The following IL1RAPL1 variants were observed in gnomAD, a reference collection of about 807,000 sequenced individuals.
IL1RAPL1 encodes the protein interleukin-1 receptor accessory protein-like 1.
In IL1RAPL1, 3 loss-of-function variants were observed where a neutral mutation model predicts 48.4. The observed-to-expected ratio is 0.06, with a 90% CI of 0.03 to 0.16. The LOEUF (loss-of-function observed/expected upper bound fraction) is 0.16, where lower values mean the gene tolerates loss of function less well. Among genes scored for constraint, IL1RAPL1 ranks in the 10% least tolerant of loss-of-function variants. The probability of loss-of-function intolerance (pLI) is 1.00; values close to 1 mark genes in which losing one functional copy is unlikely to be tolerated. For synonymous variants in IL1RAPL1, 185 were observed against 187.7 expected, an observed-to-expected ratio of 0.99 and a Z score of 0.12; for missense variants, 349 against 530.6, an observed-to-expected ratio of 0.66 and a Z score of 3.36.
At chrX:29,013,793 G>A (rs772868917) in intron 2 of IL1RAPL1, among the ~76,000 whole-genome samples, 36 of 110,522 alleles carry the variant, frequency 3.3e-4, no homozygotes, top group Admixed American at 6.8e-4. Context: ...GGGATGATCT[G>A]TGCAGCAAAC....
chrX:28,588,240 G>A (rs867255846), intron 1 of IL1RAPL1, among the ~76,000 whole-genome samples, 193 bp downstream of exon 1: 3 of 104,232 alleles, frequency 2.9e-5, no homozygotes, highest in Non-Finnish European at 4.0e-5. Context: ...GTGTGTGTGT[G>A]TGTGTGTATG....
At chrX:29,149,301 C>G (rs1301101595) in intron 2 of IL1RAPL1, among the ~76,000 whole-genome samples, 1 of 110,725 alleles carries the variant, frequency 9.0e-6, no homozygotes, top group African/African-American at 3.3e-5. Flanking sequence ...AATGCCCTCT[C>G]AAAGATCCGT....
chrX:29,635,298 A>G (rs1283626745), intron 5 of IL1RAPL1, among the ~76,000 whole-genome samples: 1 of 112,138 alleles, frequency 8.9e-6, no homozygotes, highest in Non-Finnish European at 1.9e-5. Flanking sequence ...TAGGACACCA[A>G]GGGTAAAGAT....
At chrX:29,050,949 T>C (rs377556214) in intron 2 of IL1RAPL1, among the ~76,000 whole-genome samples, 1 of 112,502 alleles carries the variant, frequency 8.9e-6, no homozygotes, top group Non-Finnish European at 1.9e-5. Context: ...ACATGTGCTT[T>C]TAGAATTCTA....
rs1235565848 is a variant in IL1RAPL1 at position 29,767,698 on chromosome X, C to T, written c.778+99194C>T. Reference sequence around the variant, plus strand: ...TGTTAGAAATAATCATTTACATAAGCGTACATGTGATTTCAAGGACAATAA... The same window carrying T: ...TGTTAGAAATAATCATTTACATAAGTGTACATGTGATTTCAAGGACAATAA... On this transcript the variant is annotated intron_variant, in intron 6 of 10. Transcript: ENST00000378993. 4.5e-5 allele frequency among the ~76,000 whole-genome samples: 5 copies of T among 111,652 alleles called. No individual in the cohort carries two copies. In the East Asian group the frequency reaches 1.1e-3, roughly 25 times the overall value.
chrX:28,625,389 A>G (rs1934328877), intron 1 of IL1RAPL1, among the ~76,000 whole-genome samples: 1 of 112,040 alleles, frequency 8.9e-6, no homozygotes, highest in African/African-American at 3.2e-5. Flanking sequence ...TCAGCCACCT[A>G]CTGGGCCCTT....
chrX:29,910,215 A>G (rs1465919944), intron 6 of IL1RAPL1, among the ~76,000 whole-genome samples: 3 of 110,774 alleles, frequency 2.7e-5, no homozygotes, highest in Admixed American at 9.7e-5. Context: ...CAATACAGGT[A>G]TACTTGAGGG....
At chrX:29,164,000 G>C (rs752394156) in intron 2 of IL1RAPL1, among the ~76,000 whole-genome samples, 10 of 111,393 alleles carry the variant, frequency 9.0e-5, no homozygotes, top group Non-Finnish European at 1.9e-4. Flanking sequence ...TTCATATTGA[G>C]CAAATGTTTC....
intron 5 of IL1RAPL1, among the ~76,000 whole-genome samples, chrX:29,639,159 A>C (rs745952222): frequency 9.7e-6 from 1 of 103,259 alleles, no homozygotes; most frequent in East Asian, 3.2e-4. Flanking sequence ...GCACTCCAGC[A>C]TGGGCGACAA....
chrX:29,271,420 A>G (rs975192449), intron 2 of IL1RAPL1, among the ~76,000 whole-genome samples: 2 of 112,339 alleles, frequency 1.8e-5, no homozygotes. Flanking sequence ...TCTGCTTTAA[A>G]TTCTTTGAGA....
intron 2 of IL1RAPL1, among the ~76,000 whole-genome samples, chrX:29,167,987 G>T (rs988549532): frequency 1.8e-5 from 2 of 110,637 alleles, no homozygotes; most frequent in African/African-American, 6.5e-5. Context: ...TTGCTTTTCT[G>T]TTCCTTTTAA....
At chrX:29,432,355 G>T (rs2147713038) in intron 5 of IL1RAPL1, among the ~76,000 whole-genome samples, 1 of 111,431 alleles carries the variant, frequency 9.0e-6, no homozygotes, top group African/African-American at 3.3e-5. Flanking sequence ...CCTTTGAAAT[G>T]TAATCATCAA....
chrX:29,527,991 G>T (rs767549100), intron 5 of IL1RAPL1, among the ~76,000 whole-genome samples: 1 of 112,079 alleles, frequency 8.9e-6, no homozygotes, highest in South Asian at 3.7e-4. Context: ...GCAATAATAT[G>T]AACATTTCAC....
At chrX:28,658,814 G>A (rs1400408234) in intron 1 of IL1RAPL1, among the ~76,000 whole-genome samples, 1 of 111,310 alleles carries the variant, frequency 9.0e-6, no homozygotes, top group Non-Finnish European at 1.9e-5. Flanking sequence ...GCTGAAACTT[G>A]TTCACTGAAA....
chrX:29,168,655 A>G (rs1929839077), intron 2 of IL1RAPL1, among the ~76,000 whole-genome samples: 1 of 95,738 alleles, frequency 1.0e-5, no homozygotes, highest in African/African-American at 3.7e-5. Flanking sequence ...TGTATTGTAT[A>G]TGTATTGTAT....
At chrX:29,453,870 T>C (rs749359779) in intron 5 of IL1RAPL1, among the ~76,000 whole-genome samples, 1 of 112,562 alleles carries the variant, frequency 8.9e-6, no homozygotes, top group African/African-American at 3.2e-5. Context: ...GTTTAAACAG[T>C]TTCAAAGAAT....
rs900531390 is a variant in IL1RAPL1, at chrX:29,247,257, A to G, written c.83-35681A>G. ...ATTATGAAACAATAGGGCTTATACA[A>G]AAGAGGTATGTTTATTCATTTACTT... is the stretch of plus-strand genomic sequence containing the variant. On this transcript the variant is annotated intron_variant, in intron 2 of 10. Transcript: ENST00000378993. Among the ~76,000 whole-genome samples the G allele has an allele frequency of 3.6e-5, 4 of 111,848 alleles. No homozygotes were observed. In the Admixed American group the frequency reaches 3.8e-4, roughly 11 times the overall value.
chrX:28,800,804 G>A (rs887890292), intron 2 of IL1RAPL1, among the ~76,000 whole-genome samples: 33 of 110,334 alleles, frequency 3.0e-4, no homozygotes, highest in Admixed American at 8.7e-4. Flanking sequence ...AGTATATATT[G>A]TACAAAATCA....
At chrX:29,883,996 TC>T (rs1171360207) in intron 6 of IL1RAPL1, among the ~76,000 whole-genome samples, 1 of 111,837 alleles carries the variant, frequency 8.9e-6, no homozygotes, top group African/African-American at 3.3e-5. Context: ...TTGATAACCA[TC>T]CCTTTCTTTC....
Sources: allele counts gnomAD v4.1 joint callset (sites outside exome capture counted in the v4.1 genomes callset), GRCh38; gene constraint gnomAD v4.1.1; transcripts MANE v1.5; gene names NCBI Gene and HGNC (gene_info 2026-07-23, HGNC 2026-07-21).